Variants in HTR2C observed in about 807,000 individuals in gnomAD.
HTR2C encodes the protein 5-hydroxytryptamine receptor 2C.
Under a neutral mutation model 21.0 loss-of-function variants are expected in HTR2C, and 5 were observed. That is an observed-to-expected ratio of 0.24 (90% CI 0.12 to 0.50). The LOEUF (loss-of-function observed/expected upper bound fraction) is 0.50, where lower values mean the gene tolerates loss of function less well. Among genes scored for constraint, HTR2C ranks in the 20% least tolerant of loss-of-function variants. The probability of loss-of-function intolerance (pLI) is 0.98; values close to 1 mark genes in which losing one functional copy is unlikely to be tolerated. For synonymous variants in HTR2C, 150 were observed against 145.3 expected (o/e 1.03, Z -0.23); for missense variants, 271 against 371.2 (o/e 0.73, Z 2.22).
chrX:114,777,975 G>T (rs1433552728), intron 4 of HTR2C, among the ~76,000 whole-genome samples: 1 of 112,304 alleles, frequency 8.9e-6, no homozygotes, highest in East Asian at 2.8e-4. Flanking sequence ...GAGACAGAAT[G>T]AATTCCTGTA....
At chrX:114,876,642 T>C (rs1556478319) in intron 5 of HTR2C, among the ~76,000 whole-genome samples, 1 of 109,973 alleles carries the variant, frequency 9.1e-6, no homozygotes, top group Non-Finnish European at 1.9e-5. Flanking sequence ...GTTATCATCA[T>C]AAAAGAATAT....
At chrX:114,601,999 A>G in intron 1 of HTR2C, among the ~76,000 whole-genome samples, 2 of 102,148 alleles carry the variant, frequency 2.0e-5, no homozygotes, top group Non-Finnish European at 3.9e-5. Context: ...GATGAATTGA[A>G]AAACTAAATG....
At chrX:114,846,388 T>C (rs1277497972) in intron 4 of HTR2C, among the ~76,000 whole-genome samples, 1 of 112,021 alleles carries the variant, frequency 8.9e-6, no homozygotes, top group Non-Finnish European at 1.9e-5. Context: ...AGATTAGTAT[T>C]GTTTATTAAT....
intron 5 of HTR2C, among the ~76,000 whole-genome samples, chrX:114,900,830 T>C (rs1018633618): frequency 1.7e-4 from 19 of 112,060 alleles, no homozygotes; most frequent in African/African-American, 5.8e-4. Context: ...CAATGACCTC[T>C]TCATTTTCAA....
Position 114,765,599 on chromosome X carries a change from AAAC to A in HTR2C, c.349+34013_349+34015del, listed in dbSNP as rs199528773. On this transcript the variant is annotated intron_variant, in intron 4 of 5. Coordinates refer to ENST00000276198, the MANE Select transcript of HTR2C (RefSeq NM_000868.4). ...ATGTTGAACATACTATGTTCCTGAA[AAAC>A]AACAACAACAACAACAACAAATATT... Among the ~76,000 whole-genome samples the A allele has an allele frequency of 4.2e-4, 46 of 110,590 alleles. No homozygotes were observed. The East Asian group carries it at 0.011, about 28-fold the overall frequency.
Position 114,724,400 on chromosome X carries a change from T to C in HTR2C, c.-79-2458T>C, listed in dbSNP as rs181179698. ...TTCCTCCATCCTTTTATTTTGAGCCTATGTGTGTCTCTGCACGTGAGATGG... is the reference window on the plus strand; with the variant it reads ...TTCCTCCATCCTTTTATTTTGAGCCCATGTGTGTCTCTGCACGTGAGATGG... On this transcript the variant is annotated intron_variant, in intron 2 of 5. Transcript: ENST00000276198. 5.6e-4 allele frequency among the ~76,000 whole-genome samples: 58 copies of C among 103,248 alleles called. 1 individual carries two copies. The highest frequency in any genetic ancestry group is 1.9e-3 in the African/African-American group (56 of 28,762). The allele number at this position is 103,248 out of a possible 115,157, so 89.7% of individuals were successfully genotyped here.
chrX:114,588,220 C>T (rs1927482992), intron 1 of HTR2C, among the ~76,000 whole-genome samples: 1 of 111,958 alleles, frequency 8.9e-6, no homozygotes, highest in Non-Finnish European at 1.9e-5. Context: ...ATTTGAGAAG[C>T]ACTCGAAAGG....
intron 2 of HTR2C, among the ~76,000 whole-genome samples, chrX:114,696,893 G>A (rs1449829304): frequency 9.0e-6 from 1 of 111,232 alleles, no homozygotes; most frequent in African/African-American, 3.3e-5. Flanking sequence ...ATGGATTTCT[G>A]TGAGGTTACA....
intron 5 of HTR2C, chrX:114,900,344 A>G: frequency 4.1e-6 from 1 of 241,868 alleles, no homozygotes; most frequent in Admixed American, 4.2e-5. Flanking sequence ...TATTAGGGAT[A>G]ATATTCATCT....
At chrX:114,767,704 AAT>A (rs1456872685) in intron 4 of HTR2C, among the ~76,000 whole-genome samples, 3 of 107,997 alleles carry the variant, frequency 2.8e-5, no homozygotes, top group Non-Finnish European at 5.8e-5. Context: ...TATATAATGA[AAT>A]ATATATATAA....
At chrX:114,612,070 A>G in intron 1 of HTR2C, among the ~76,000 whole-genome samples, 1 of 110,756 alleles carries the variant, frequency 9.0e-6, no homozygotes. Context: ...GGAATGAAAA[A>G]TATAATTTGT....
In HTR2C at chrX:114,751,519, T is replaced by G. The variant is rs782118924; in HGVS notation, c.349+19912T>G. ...ACATGTAAACTTGATTAGAGGAAAA[T>G]TAAAACTCAAATTGTTCCCTAGAAT... On this transcript the variant is annotated intron_variant, in intron 4 of 5. Transcript: ENST00000276198. Among the ~76,000 whole-genome samples the G allele has an allele frequency of 3.6e-5, 4 of 111,669 alleles. No homozygotes were observed. In the East Asian group the frequency reaches 1.1e-3, roughly 32 times the overall value.
intron 5 of HTR2C, among the ~76,000 whole-genome samples, chrX:114,866,649 C>A (rs1556474733): frequency 9.1e-6 from 1 of 109,964 alleles, no homozygotes; most frequent in Non-Finnish European, 1.9e-5. Context: ...CCCCCACAAC[C>A]ACCAACTACT....
At chrX:114,746,909 C>T (rs2069710657) in intron 4 of HTR2C, among the ~76,000 whole-genome samples, 1 of 110,902 alleles carries the variant, frequency 9.0e-6, no homozygotes, top group Admixed American at 9.6e-5. Flanking sequence ...GGTGTGAACC[C>T]GGGAGGGGGA....
intron 1 of HTR2C, among the ~76,000 whole-genome samples, chrX:114,608,099 C>T (rs782186010): frequency 3.6e-5 from 4 of 111,276 alleles, no homozygotes; most frequent in South Asian, 7.6e-4. Context: ...ACAGTCAGTC[C>T]CTCTTGCAAA....
At chrX:114,646,416 T>C (rs185464614) in intron 2 of HTR2C, among the ~76,000 whole-genome samples, 27 of 112,345 alleles carry the variant, frequency 2.4e-4, no homozygotes, top group Admixed American at 2.2e-3. Flanking sequence ...AATCACAACA[T>C]TATTTTTCCT....
chrX:114,647,247 C>T (rs1341477271), intron 2 of HTR2C, among the ~76,000 whole-genome samples: 1 of 111,327 alleles, frequency 9.0e-6, no homozygotes, highest in Non-Finnish European at 1.9e-5. Context: ...GTTCTCCCTA[C>T]AAAAAAATGA....
intron 4 of HTR2C, among the ~76,000 whole-genome samples, chrX:114,780,916 G>GT (rs782437335): frequency 7.2e-5 from 8 of 111,436 alleles, no homozygotes; most frequent in South Asian, 3.8e-4. Flanking sequence ...TTCAGGCATT[G>GT]TATCATCAGA....
At chrX:114,723,351 C>G (rs1457837118) in intron 2 of HTR2C, among the ~76,000 whole-genome samples, 1 of 111,338 alleles carries the variant, frequency 9.0e-6, no homozygotes, top group Non-Finnish European at 1.9e-5. Flanking sequence ...TCTGTGGGAT[C>G]AGTGGTAATA....
Sources: gnomAD v4.1 joint callset for allele counts (sites outside exome capture counted in the v4.1 genomes callset) on GRCh38, gnomAD v4.1.1 for gene constraint, MANE v1.5 for transcripts, NCBI Gene and HGNC (gene_info 2026-07-23, HGNC 2026-07-21) for gene names.